Variants in TENT5C observed in about 807,000 individuals in gnomAD.
TENT5C encodes family with sequence similarity 46 member C.
A neutral mutation model predicts 22.2 loss-of-function variants in TENT5C; 5 were observed. The ratio of observed to expected loss-of-function variants is 0.22; its 90% confidence interval spans 0.12 to 0.47. The LOEUF (loss-of-function observed/expected upper bound fraction) is 0.47, where lower values mean the gene tolerates loss of function less well. TENT5C is among the 20% of genes least tolerant of loss of function. TENT5C has a pLI of 0.99. For synonymous variants in TENT5C, 199 were observed against 195.4 expected (o/e 1.02, Z -0.15); for missense variants, 364 against 500.9 (o/e 0.73, Z 2.61).
At chr1:117,612,743 A>T (rs1468312731) in intron 1 of TENT5C, among the ~76,000 whole-genome samples, 1 of 152,186 alleles carries the variant, frequency 6.6e-6, no homozygotes, top group Non-Finnish European at 1.5e-5. Flanking sequence ...ACACTTGTGA[A>T]TGGGGTGTGT....
intron 1 of TENT5C, among the ~76,000 whole-genome samples, chr1:117,606,455 T>C (rs1484375376): frequency 6.6e-6 from 1 of 152,086 alleles, no homozygotes; most frequent in Non-Finnish European, 1.5e-5. Context: ...CTCCAGCGAG[T>C]TCCTGCTCCG....
At chr1:117,609,766 T>C (rs1490480178) in intron 1 of TENT5C, among the ~76,000 whole-genome samples, 2 of 152,196 alleles carry the variant, frequency 1.3e-5, no homozygotes. Flanking sequence ...TGCCTGCTTA[T>C]AGAGCTGGCC....
intron 1 of TENT5C, among the ~76,000 whole-genome samples, chr1:117,617,487 T>C (rs944682941): frequency 6.6e-6 from 1 of 152,154 alleles, no homozygotes; most frequent in African/African-American, 2.4e-5. Flanking sequence ...TCATCTTGAA[T>C]TGTCAAAAAC....
In TENT5C at chr1:117,627,527, T is replaced by C. The variant is rs1654037224; in HGVS notation, c.*3483T>C. On this transcript the variant is annotated 3_prime_UTR_variant, in exon 2 of 2. Coordinates refer to ENST00000369448, the MANE Select transcript of TENT5C (RefSeq NM_017709.4). ...CCTCTTTTTGAGAGCAAAGTAGTTA[T>C]CCAATGGTGAGACGAGACCCTGACG... The C allele has an allele frequency of 4.0e-6, 1 of 248,144 alleles. No homozygotes were observed. The highest frequency in any genetic ancestry group is 8.5e-6 in the Non-Finnish European group (1 of 118,112). 15.4% of individuals were successfully genotyped at this position (248,144 alleles called of 1,614,324 possible). A position where few individuals can be genotyped will look rare whatever the true frequency, so the allele number is the denominator to read the frequency against.
At position 117,623,042 on chromosome 1, in the gene TENT5C, G is replaced by C; in HGVS notation, c.174G>C (p.Arg58=). 1 of 1,614,216 alleles carries C rather than the reference G, an allele frequency of 6.2e-7. No individual in the cohort carries two copies. Among genetic ancestry groups the C allele is most frequent in the Non-Finnish European group, 8.5e-7 (1 of 1,180,032 alleles). ...LKDIVQTVRS[R]LEEAGIKVHD... is the part of the protein sequence containing the mutation. ...ACATCGTCCAGACCGTCCGCAGTCG[G>C]CTGGAGGAGGCAGGCATCAAAGTGC... The change falls in exon 2 of 2, where the codon CGG becomes CGC. Residue 58 remains arginine, a synonymous_variant. Coordinates refer to ENST00000369448, the MANE Select transcript of TENT5C (RefSeq NM_017709.4).
chr1:117,623,540 C>T lies in TENT5C; in HGVS notation c.672C>T (p.Asp224=). The T allele has an allele frequency of 1.2e-6, 2 of 1,614,002 alleles. No homozygotes were observed. The highest frequency in any genetic ancestry group is 1.7e-6 in the Non-Finnish European group (2 of 1,179,998). The change falls in exon 2 of 2, where the codon GAC becomes GAT. Residue 224 remains aspartate, a synonymous_variant. Coordinates refer to ENST00000369448, the MANE Select transcript of TENT5C (RefSeq NM_017709.4). The stretch of plus-strand genomic sequence containing the variant: ...ACGGGGACTTTGAGGAAGCTTTTGA[C>T]CATCTGCAGAACAGACTGATCGCCA... The part of the protein sequence containing the change: ...SMYGDFEEAF[D]HLQNRLIATK...
chr1:117,626,078 A>T lies in TENT5C; in HGVS notation c.*2034A>T, dbSNP rs779754433. 7 of 247,930 alleles carry T rather than the reference A, an allele frequency of 2.8e-5. No individual in the cohort carries two copies. The highest frequency in any genetic ancestry group is 5.9e-5 in the Non-Finnish European group (7 of 118,042). 15.4% of individuals were successfully genotyped at this position (247,930 alleles called of 1,614,324 possible). A position where few individuals can be genotyped will look rare whatever the true frequency, so the allele number is the denominator to read the frequency against. ...CCTTAAAAAGCTGCCATGGTGGTCA[A>T]ATGGCATGTGTTTGCACAAAAATGA... On this transcript the variant is annotated 3_prime_UTR_variant, in exon 2 of 2. Transcript: ENST00000369448.
At chr1:117,615,477 G>GT (rs1653761404) in intron 1 of TENT5C, among the ~76,000 whole-genome samples, 1 of 152,234 alleles carries the variant, frequency 6.6e-6, no homozygotes, top group East Asian at 1.9e-4. Context: ...ATTGATCCAG[G>GT]TAGAGCCCTG....
rs912865767 is a variant in TENT5C, at chr1:117,627,843, ACT to A, written c.*3800_*3801del. ...TAAGGTTAAGATCAGGAAATAAAAG[ACT>A]GTGTGTGTGTGTGTGTGTGCGTGTG... On this transcript the variant is annotated 3_prime_UTR_variant, in exon 2 of 2. Coordinates refer to ENST00000369448, the MANE Select transcript of TENT5C (RefSeq NM_017709.4). The A allele has an allele frequency of 4.3e-6, 1 of 234,608 alleles. No individual in the cohort carries two copies. Among genetic ancestry groups the A allele is most frequent in the Non-Finnish European group, 8.9e-6 (1 of 111,786 alleles). 14.5% of individuals were successfully genotyped at this position (234,608 alleles called of 1,614,324 possible).
rs1653951303 is a variant in TENT5C, at chr1:117,623,849, G to A, written c.981G>A (p.Arg327=). The change falls in exon 2 of 2, where the codon AGG becomes AGA. Residue 327 remains arginine (R), a synonymous_variant. Transcript: ENST00000369448. ...TGTGTCTCATGGGGCATGAACGCAG[G>A]CAGACTCTGAACCTCATCTCCCTCC... ...STVCLMGHER[R]QTLNLISLLA... is the part of the protein sequence containing the mutation. The A allele has an allele frequency of 9.9e-6, 16 of 1,614,160 alleles. No individual in the cohort carries two copies. Among genetic ancestry groups the A allele is most frequent in the Non-Finnish European group, 1.3e-5 (15 of 1,180,036 alleles).
At position 117,625,318 on chromosome 1, in the gene TENT5C, G is replaced by A; in HGVS notation, c.*1274G>A. 1 of 248,054 alleles carries A rather than the reference G, an allele frequency of 4.0e-6. No homozygotes were observed. The highest frequency in any genetic ancestry group is 1.8e-4 in the South Asian group (1 of 5,518). The allele number at this position is 248,054 out of a possible 1,614,324, so 15.4% of individuals were successfully genotyped here. A position where few individuals can be genotyped will look rare whatever the true frequency, so the allele number is the denominator to read the frequency against. ...TCCAAGGCACTTTGAAATCATTCCA[G>A]TATATTTGGGAAGAATTGAGTGAAT... On this transcript the variant is annotated 3_prime_UTR_variant, in exon 2 of 2. Transcript: ENST00000369448.
Position 117,624,325 on chromosome 1 carries a change from C to A in TENT5C, c.*281C>A. On this transcript the variant is annotated 3_prime_UTR_variant, in exon 2 of 2. Transcript: ENST00000369448. Reference sequence around the variant, plus strand: ...AGATAGACACTAACATGTCATGTCCCAAACATTAGCACGTGGGGGTTGAGC... The same window carrying A: ...AGATAGACACTAACATGTCATGTCCAAAACATTAGCACGTGGGGGTTGAGC... The A allele has an allele frequency of 2.3e-6, 1 of 426,212 alleles. No homozygotes were observed. Among genetic ancestry groups the A allele is most frequent in the Non-Finnish European group, 4.3e-6 (1 of 231,382 alleles). The allele number at this position is 426,212 out of a possible 1,614,324, so 26.4% of individuals were successfully genotyped here.
intron 1 of TENT5C, among the ~76,000 whole-genome samples, chr1:117,619,627 T>C (rs1012878602): frequency 1.3e-5 from 2 of 152,196 alleles, no homozygotes; most frequent in African/African-American, 2.4e-5. Context: ...TATATATAAA[T>C]GCATTTCCAC....
rs1653936597 is a variant in TENT5C at position 117,623,159 on chromosome 1, G to A, written c.291G>A (p.Val97=). 6.2e-7 allele frequency: 1 copy of A among 1,614,188 alleles called. No individual in the cohort carries two copies. Among genetic ancestry groups the A allele is most frequent in the African/African-American group, 1.3e-5 (1 of 75,040 alleles). The change falls in exon 2 of 2, where the codon GTG becomes GTA. Residue 97 remains valine (V), a synonymous_variant. Coordinates refer to ENST00000369448, the MANE Select transcript of TENT5C (RefSeq NM_017709.4). ...GCKDLDLIFH[V]ALPTEAEFQL... is the part of the protein sequence containing the mutation. ...AAGACCTGGACCTAATCTTCCATGT[G>A]GCTCTTCCAACAGAGGCAGAATTTC...
intron 1 of TENT5C, among the ~76,000 whole-genome samples, chr1:117,613,900 G>A (rs826411): frequency 0.078 from 11,937 of 152,270 alleles, 513 homozygotes; most frequent in African/African-American, 0.11. Context: ...CAGGTAGAAT[G>A]TGTTGCGGGC....
At chr1:117,611,925 T>TA (rs1270687346) in intron 1 of TENT5C, among the ~76,000 whole-genome samples, 10 of 152,234 alleles carry the variant, frequency 6.6e-5, no homozygotes, top group Admixed American at 1.3e-4. Context: ...GTAATCAATA[T>TA]AAAAAATCTA....
rs397975061 is a variant in TENT5C, at chr1:117,625,117, T to TC, written c.*1075dup. ...TTTTGTTCTTTTCGTTTTTTTTTTT[T>TC]CCAAAAATAGTGACTTCCTTCTCCA... On this transcript the variant is annotated 3_prime_UTR_variant, in exon 2 of 2. Coordinates refer to ENST00000369448, the MANE Select transcript of TENT5C (RefSeq NM_017709.4). 1.2e-5 allele frequency: 3 copies of TC among 247,516 alleles called. No individual in the cohort carries two copies. Among genetic ancestry groups the TC allele is most frequent in the African/African-American group, 6.6e-5 (3 of 45,176 alleles). The allele number at this position is 247,516 out of a possible 1,614,324, so 15.3% of individuals were successfully genotyped here.
chr1:117,617,202 C>CTT (rs199629223), intron 1 of TENT5C, among the ~76,000 whole-genome samples: 2 of 147,234 alleles, frequency 1.4e-5, no homozygotes, highest in Admixed American at 6.8e-5. Context: ...CTAGAAATAG[C>CTT]TTTTTTTTTT....
At chr1:117,622,423 T>C (rs1653913379) in intron 1 of TENT5C, among the ~76,000 whole-genome samples, 1 of 151,904 alleles carries the variant, frequency 6.6e-6, no homozygotes, top group Non-Finnish European at 1.5e-5. Context: ...ATTCTCTTTT[T>C]CACTATAAGA....
Sources: allele counts gnomAD v4.1 joint callset (sites outside exome capture counted in the v4.1 genomes callset), GRCh38; gene constraint gnomAD v4.1.1; transcripts MANE v1.5; gene names NCBI Gene and HGNC (gene_info 2026-07-23, HGNC 2026-07-21).